SFI1: variants seen among roughly 807,000 people sequenced by gnomAD.
SFI1 encodes protein SFI1 homolog.
In SFI1, 195 loss-of-function variants were observed where a neutral mutation model predicts 207.5. The observed-to-expected ratio is 0.94, with a 90% CI of 0.84 to 1.06. The LOEUF is 1.06. SFI1 is among the 50% of genes least tolerant of loss of function. The probability of loss-of-function intolerance (pLI) is 0.00; values close to 1 mark genes in which losing one functional copy is unlikely to be tolerated. For missense variants in SFI1, 1,634 were observed against 1,588.0 expected (o/e 1.03, Z -0.49); for synonymous variants, 630 against 598.9 (o/e 1.05, Z -0.76).
At chr22:31,505,126 C>T (rs746204345) in intron 1 of SFI1, among the ~76,000 whole-genome samples, 3 of 152,076 alleles carry the variant, frequency 2.0e-5, no homozygotes, top group Non-Finnish European at 2.9e-5. Context: ...ATTTTTGATA[C>T]AAATTATCAC....
chr22:31,565,451 C>G (rs1467589274), intron 8 of SFI1, among the ~76,000 whole-genome samples: 1 of 149,990 alleles, frequency 6.7e-6, no homozygotes, highest in African/African-American at 2.5e-5. Context: ...AATACTAGGA[C>G]TTTGGGAGGC....
intron 8 of SFI1, among the ~76,000 whole-genome samples, chr22:31,564,652 G>A (rs2067100033): frequency 1.3e-5 from 2 of 150,972 alleles, no homozygotes; most frequent in South Asian, 4.2e-4. Context: ...ACACAGGCAT[G>A]TGCTACCATG....
rs771704411 is a variant in SFI1 at position 31,556,988 on chromosome 22, C to T, written c.591C>T (p.Tyr197=). The T allele has an allele frequency of 8.1e-6, 13 of 1,612,072 alleles. No individual in the cohort carries two copies. The highest frequency in any genetic ancestry group is 6.7e-5 in the Admixed American group (4 of 59,698). Reference sequence around the variant, plus strand: ...AGGCCTGGAAGTCCTGGTTGATCTACGTGGTTGTTCGTAGGACCAAACTTC... The same window carrying T: ...AGGCCTGGAAGTCCTGGTTGATCTATGTGGTTGTTCGTAGGACCAAACTTC... ...MRQAWKSWLI[Y]VVVRRTKLQM... Residue 197 remains tyrosine (Y), a synonymous_variant, in exon 7 of 33, where the codon TAC becomes TAT. Coordinates refer to ENST00000400288, the MANE Select transcript of SFI1 (RefSeq NM_001007467.3).
intron 19 of SFI1, chr22:31,604,609 T>C: frequency 1.7e-6 from 1 of 596,616 alleles, no homozygotes. Flanking sequence ...GTGCTGTCTG[T>C]GGGTACTAGC....
At chr22:31,565,298 T>C (rs1256327531) in intron 8 of SFI1, among the ~76,000 whole-genome samples, 1 of 152,034 alleles carries the variant, frequency 6.6e-6, no homozygotes, top group African/African-American at 2.4e-5. Context: ...AGAATAAACA[T>C]GTGGTACACT....
chr22:31,519,483 C>G (rs968603023), intron 2 of SFI1, among the ~76,000 whole-genome samples: 1 of 151,574 alleles, frequency 6.6e-6, no homozygotes, highest in Non-Finnish European at 1.5e-5. Context: ...CCCGCCCAGG[C>G]TGGAGTGCAG....
intron 6 of SFI1, among the ~76,000 whole-genome samples, chr22:31,552,570 A>G (rs948018144): frequency 4.6e-5 from 7 of 152,052 alleles, no homozygotes; most frequent in African/African-American, 4.8e-5. Flanking sequence ...TATTTTCTGT[A>G]TCTGTTGATG....
intron 4 of SFI1, among the ~76,000 whole-genome samples, chr22:31,541,554 G>T (rs1026599426): frequency 6.6e-6 from 1 of 151,286 alleles, no homozygotes; most frequent in African/African-American, 2.4e-5. Flanking sequence ...AAGAGTTCAA[G>T]ACCAGCCTGG....
chr22:31,618,057 C>G (rs955418457), intron 31 of SFI1, 58 bp from the exon 32 acceptor site: 2 of 1,513,216 alleles, frequency 1.3e-6, no homozygotes, highest in African/African-American at 2.8e-5. Flanking sequence ...CTCCCTGAGC[C>G]GGATGGGGCT....
At chr22:31,603,327 G>A (rs2068431739) in intron 17 of SFI1, among the ~76,000 whole-genome samples, 1 of 152,194 alleles carries the variant, frequency 6.6e-6, no homozygotes, top group Non-Finnish European at 1.5e-5. Flanking sequence ...CAGCAGCTGT[G>A]GCCAGTGGGT....
chr22:31,593,998 G>GGCAGGGGC lies in SFI1; in HGVS notation c.1544+4421_1544+4422insGCAGGGGC, dbSNP rs1569421785. On this transcript the variant is annotated intron_variant, in intron 15 of 32. Coordinates refer to ENST00000400288, the MANE Select transcript of SFI1 (RefSeq NM_001007467.3). ...TGGGGAGACGGAGACGAGGGAGAGG[G>GGCAGGGGC]AGAGGGACAGGGAGAGGGAGAGGGA... Among the ~76,000 whole-genome samples the GGCAGGGGC allele has an allele frequency of 3.5e-3, 296 of 83,544 alleles. 2 individuals are homozygous for GGCAGGGGC. The highest frequency in any genetic ancestry group is 0.012 in the African/African-American group (278 of 23,882). The allele number at this position is 83,544 out of a possible 152,430, so 54.8% of individuals were successfully genotyped here.
intron 15 of SFI1, among the ~76,000 whole-genome samples, chr22:31,593,282 G>A (rs2066435732): frequency 6.9e-6 from 1 of 144,414 alleles, no homozygotes; most frequent in African/African-American, 2.6e-5. Flanking sequence ...TCTCAGACGG[G>A]GCGGCCGGGC....
chr22:31,612,392 AAAAAAAATAT>A (rs1250489184), intron 24 of SFI1: 9 of 107,402 alleles, frequency 8.4e-5, no homozygotes, highest in African/African-American at 3.4e-4. Flanking sequence ...AAAAAAAAAA[AAAAAAAATAT>A]ATATATATAT....
intron 14 of SFI1, among the ~76,000 whole-genome samples, chr22:31,586,535 C>G (rs1225549843): frequency 6.6e-6 from 1 of 152,230 alleles, no homozygotes; most frequent in African/African-American, 2.4e-5. Flanking sequence ...TTTTGCGTCA[C>G]TCTTGCCTCC....
At chr22:31,537,407 A>T (rs2059098162) in intron 4 of SFI1, among the ~76,000 whole-genome samples, 1 of 152,174 alleles carries the variant, frequency 6.6e-6, no homozygotes, top group Non-Finnish European at 1.5e-5. Context: ...TACTTACGAG[A>T]AAAAGGGCTT....
In SFI1 at chr22:31,618,409, CCT is replaced by C. The variant is rs1422848775; in HGVS notation, c.3721_3722del (p.Leu1241ValfsTer42). The stretch of plus-strand genomic sequence containing the variant: ...CCCGCATCCAGGCCCTGCGGCAGGC[CCT>C]GTGCTAGCGTGTTCGCACCAGGAAC... ...VARIQALRQALC is the reference protein window; with the variant it reads ...VARIQALRQAXC On this transcript the variant is annotated frameshift_variant, in exon 33 of 33. Transcript: ENST00000400288. LOFTEE classifies it high-confidence loss of function. The C allele has an allele frequency of 6.3e-7, 1 of 1,589,942 alleles. No homozygotes were observed. The highest frequency in any genetic ancestry group is 1.7e-5 in the Admixed American group (1 of 58,354).
In SFI1 at chr22:31,616,781, C is replaced by T; in HGVS notation, c.3337C>T (p.Pro1113Ser). The T allele has an allele frequency of 1.3e-6, 2 of 1,594,986 alleles. No individual in the cohort carries two copies. Among genetic ancestry groups the T allele is most frequent in the South Asian group, 1.1e-5 (1 of 87,918 alleles). The change falls in exon 30 of 33, where the codon CCG becomes TCG. Residue 1113 changes from proline (P) to serine (S), a missense_variant. By Grantham distance (74) the Pro-to-Ser change is moderately conservative. Transcript: ENST00000400288. ...GCGGGCTACTCCTAGGGATAAGCCC[C>T]CGGTCCCCTCATCCCTGGCCAGTGT... ...AQRATPRDKP[P>S]VPSSLASVPD...
chr22:31,498,065 C>G (rs190322639), intron 1 of SFI1, among the ~76,000 whole-genome samples: 1 of 152,104 alleles, frequency 6.6e-6, no homozygotes, highest in South Asian at 2.1e-4. Flanking sequence ...GAGGCCGAGG[C>G]GGGTGGATCA....
chr22:31,529,965 T>C (rs950382147), intron 3 of SFI1, among the ~76,000 whole-genome samples: 5 of 150,186 alleles, frequency 3.3e-5, no homozygotes, highest in Non-Finnish European at 5.9e-5. Context: ...GGTCAGGAGA[T>C]CGAGACCATC....
Sources: allele counts gnomAD v4.1 joint callset (sites outside exome capture counted in the v4.1 genomes callset), GRCh38; gene constraint gnomAD v4.1.1; transcripts MANE v1.5; gene names NCBI Gene and HGNC (gene_info 2026-07-23, HGNC 2026-07-21).